Variants in HACD2 observed in about 807,000 individuals in gnomAD.
HACD2 encodes the protein very-long-chain (3R)-3-hydroxyacyl-CoA dehydratase 2.
HACD2 carries 15 observed loss-of-function variants against 31.0 expected under a neutral mutation model. The observed-to-expected ratio is 0.48, with a 90% confidence interval of 0.32 to 0.75. The LOEUF (loss-of-function observed/expected upper bound fraction) is 0.75, where lower values mean the gene tolerates loss of function less well. Among genes scored for constraint, HACD2 ranks in the 30% least tolerant of loss-of-function variants. HACD2 has a pLI of 0.03. For missense variants in HACD2, 283 were observed against 313.0 expected, an observed-to-expected ratio of 0.90 and a Z score of 0.72; for synonymous variants, 115 against 122.2, an observed-to-expected ratio of 0.94 and a Z score of 0.39.
At chr3:123,506,654 T>G (rs1373444607) in intron 4 of HACD2, among the ~76,000 whole-genome samples, 2 of 152,090 alleles carry the variant, frequency 1.3e-5, no homozygotes. Flanking sequence ...AGGCTGGTCT[T>G]GAACTCCTAG....
chr3:123,542,765 C>T (rs1005611107), intron 3 of HACD2, among the ~76,000 whole-genome samples: 6 of 152,058 alleles, frequency 3.9e-5, no homozygotes, highest in East Asian at 3.9e-4. Context: ...CAAGATGAGC[C>T]GAAACATTCT....
intron 3 of HACD2, among the ~76,000 whole-genome samples, chr3:123,559,384 T>C (rs548114864): frequency 1.3e-5 from 2 of 152,366 alleles, no homozygotes; most frequent in South Asian, 4.1e-4. Flanking sequence ...GAAATGAATT[T>C]CCAAACACTC....
intron 3 of HACD2, among the ~76,000 whole-genome samples, chr3:123,550,665 G>T (rs527246864): frequency 6.6e-6 from 1 of 152,194 alleles, no homozygotes; most frequent in Non-Finnish European, 1.5e-5. Context: ...AGGAGAGCAG[G>T]TCGGGGAACA....
intron 1 of HACD2, 36 bp from the exon 2 acceptor site, chr3:123,582,365 A>G (rs532248203): frequency 1.4e-6 from 2 of 1,435,824 alleles, no homozygotes; most frequent in African/African-American, 1.5e-5. Context: ...GGAAAAAATA[A>G]AAATAAAAAA....
At chr3:123,496,156 TG>T (rs1261750518) in intron 6 of HACD2, among the ~76,000 whole-genome samples, 3 of 152,150 alleles carry the variant, frequency 2.0e-5, no homozygotes, top group Non-Finnish European at 2.9e-5. Flanking sequence ...CCTGAGTAGC[TG>T]GGACTACAGG....
Position 123,493,711 on chromosome 3 carries a change from T to A in HACD2, c.*1177A>T, listed in dbSNP as rs1418884015. On this transcript the variant is annotated 3_prime_UTR_variant, in exon 7 of 7. Transcript: ENST00000383657. Reference sequence around the variant, plus strand: ...AATTGTATGAGGATGTGACATGGATTAGACAATGTCGGTAGTACCAAACTA... The same window carrying A: ...AATTGTATGAGGATGTGACATGGATAAGACAATGTCGGTAGTACCAAACTA... 1 of 152,190 alleles carries A rather than the reference T, an allele frequency of 6.6e-6. No homozygotes were observed. The highest frequency in any genetic ancestry group is 1.5e-5 in the Non-Finnish European group (1 of 68,036). 9.4% of individuals were successfully genotyped at this position (152,190 alleles called of 1,614,324 possible).
At chr3:123,510,841 C>T (rs1207249611) in intron 4 of HACD2, among the ~76,000 whole-genome samples, 1 of 151,334 alleles carries the variant, frequency 6.6e-6, no homozygotes, top group Non-Finnish European at 1.5e-5. Context: ...AACTGCCAAA[C>T]TGTTGTCCAC....
intron 3 of HACD2, among the ~76,000 whole-genome samples, chr3:123,562,899 T>G (rs1200896099): frequency 6.6e-6 from 1 of 152,214 alleles, no homozygotes; most frequent in Non-Finnish European, 1.5e-5. Flanking sequence ...ACAAATAAAC[T>G]TAAGTGATCT....
chr3:123,581,174 C>G (rs573116275), intron 2 of HACD2, among the ~76,000 whole-genome samples: 40 of 152,214 alleles, frequency 2.6e-4, no homozygotes, highest in Middle Eastern at 3.4e-3. Flanking sequence ...TAAAAGTTGC[C>G]AGTAAAGTAT....
At chr3:123,546,260 T>C (rs1172147967) in intron 3 of HACD2, among the ~76,000 whole-genome samples, 3 of 152,186 alleles carry the variant, frequency 2.0e-5, no homozygotes, top group Non-Finnish European at 4.4e-5. Context: ...CTATGTGCTA[T>C]TGCCAAGTGG....
chr3:123,522,357 A>AGG (rs2056227429), intron 4 of HACD2, among the ~76,000 whole-genome samples: 1 of 149,644 alleles, frequency 6.7e-6, no homozygotes, highest in Non-Finnish European at 1.5e-5. Context: ...AAAGAGAGAG[A>AGG]GAGAGAAGTG....
chr3:123,556,704 G>C (rs2056676185), intron 3 of HACD2, among the ~76,000 whole-genome samples: 1 of 152,024 alleles, frequency 6.6e-6, no homozygotes, highest in Non-Finnish European at 1.5e-5. Flanking sequence ...AATATTTGCT[G>C]AACACCTGTC....
At chr3:123,501,007 G>C (rs2055895719) in intron 5 of HACD2, among the ~76,000 whole-genome samples, 1 of 152,182 alleles carries the variant, frequency 6.6e-6, no homozygotes, top group Non-Finnish European at 1.5e-5. Context: ...TGGTAAAGTA[G>C]GGGAACTGAG....
intron 3 of HACD2, among the ~76,000 whole-genome samples, chr3:123,536,947 A>C (rs931442799): frequency 3.3e-5 from 5 of 152,250 alleles, no homozygotes. Context: ...ACAAGCTGTC[A>C]GAAACTCAGC....
chr3:123,545,979 G>C (rs1265448426), intron 3 of HACD2, among the ~76,000 whole-genome samples: 1 of 151,840 alleles, frequency 6.6e-6, no homozygotes. Flanking sequence ...CCAAAGTGCT[G>C]GGATTACAAG....
chr3:123,558,743 G>C (rs903013407), intron 3 of HACD2, among the ~76,000 whole-genome samples: 7 of 152,320 alleles, frequency 4.6e-5, no homozygotes, highest in Middle Eastern at 3.4e-3. Context: ...TCCTGCCACA[G>C]AAGCATAAAT....
chr3:123,582,134 C>T (rs531106866), intron 2 of HACD2, 78 bp downstream of exon 2: 100 of 936,990 alleles, frequency 1.1e-4, no homozygotes, highest in Non-Finnish European at 1.4e-4. Context: ...AGGGGGTATG[C>T]TACTTCAATA....
intron 4 of HACD2, among the ~76,000 whole-genome samples, chr3:123,506,040 C>T (rs757004568): frequency 6.6e-5 from 10 of 152,212 alleles, no homozygotes; most frequent in Non-Finnish European, 1.2e-4. Context: ...TGGAAAGATG[C>T]GTGCCCATGA....
intron 2 of HACD2, among the ~76,000 whole-genome samples, chr3:123,570,947 C>CACACACACACACACACAT (rs1248960155): frequency 6.8e-6 from 1 of 147,486 alleles, no homozygotes; most frequent in Admixed American, 6.7e-5. Context: ...CACACACATA[C>CACACACACACACACACAT]ACACACACAC....
Sources: gnomAD v4.1 joint callset for allele counts (sites outside exome capture counted in the v4.1 genomes callset) on GRCh38, gnomAD v4.1.1 for gene constraint, MANE v1.5 for transcripts, NCBI Gene and HGNC (gene_info 2026-07-23, HGNC 2026-07-21) for gene names.